Variants in CADPS2 observed in about 807,000 individuals in gnomAD.
CADPS2 encodes the protein calcium dependent secretion activator 2.
Under a neutral mutation model 172.5 loss-of-function variants are expected in CADPS2, and 93 were observed. The ratio of observed to expected loss-of-function variants is 0.54; its 90% CI spans 0.46 to 0.64. CADPS2 has a LOEUF of 0.64. Ranked by LOEUF, CADPS2 falls within the 30% of genes least tolerant of loss-of-function variation. The pLI is 0.00. For missense variants in CADPS2, 1,420 were observed against 1,565.9 expected (o/e 0.91, Z 1.57); for synonymous variants, 546 against 555.2 (o/e 0.98, Z 0.23).
chr7:122,848,961 A>G (rs551458820), intron 1 of CADPS2, among the ~76,000 whole-genome samples: 34 of 152,322 alleles, frequency 2.2e-4, no homozygotes, highest in African/African-American at 7.7e-4. Context: ...TTCTATTAAG[A>G]GTTTTCATGC....
At chr7:122,496,625 T>G (rs573573623) in intron 9 of CADPS2, among the ~76,000 whole-genome samples, 65 of 152,204 alleles carry the variant, frequency 4.3e-4, no homozygotes, top group Non-Finnish European at 6.2e-4. Context: ...GTTTTTTATG[T>G]TGGAGCTACT....
rs772783533 is a variant in CADPS2 at position 122,379,387 on chromosome 7, A to G, written c.3368T>C (p.Ile1123Thr). 8.1e-6 allele frequency: 13 copies of G among 1,598,420 alleles called. No individual in the cohort carries two copies. The highest frequency in any genetic ancestry group is 1.7e-4 in the Middle Eastern group (1 of 5,818). Residue 1123 changes from isoleucine to threonine, a missense_variant, in exon 25 of 30, where the codon ATT becomes ACT. By Grantham distance (89) the Ile-to-Thr change is moderately conservative. Transcript: ENST00000449022. ...DLIDNSVKEI[I>T]SLLVSKFVSV... ...CATTACCTTTGAAACTAACAGTGAA[A>G]TGATTTCTTTTACACTGTTGTCGAT...
intron 20 of CADPS2, among the ~76,000 whole-genome samples, chr7:122,399,559 C>G (rs1180685816): frequency 1.3e-5 from 2 of 150,804 alleles, no homozygotes; most frequent in Non-Finnish European, 2.9e-5. Context: ...CTATGCATAG[C>G]CTTCTAATCT....
chr7:122,659,359 A>G (rs920270896), intron 3 of CADPS2, among the ~76,000 whole-genome samples: 25 of 150,926 alleles, frequency 1.7e-4, no homozygotes, highest in African/African-American at 6.1e-4. Flanking sequence ...TGCCTTTGAT[A>G]GGCTCATTAG....
intron 5 of CADPS2, among the ~76,000 whole-genome samples, chr7:122,616,380 G>C (rs1340419224): frequency 2.0e-5 from 3 of 151,930 alleles, no homozygotes; most frequent in African/African-American, 7.2e-5. Context: ...TAAGAATTTT[G>C]ATCCAAAAGG....
intron 9 of CADPS2, among the ~76,000 whole-genome samples, chr7:122,510,447 G>A (rs2059928352): frequency 6.6e-6 from 1 of 152,114 alleles, no homozygotes; most frequent in South Asian, 2.1e-4. Context: ...GAGAGTCTTT[G>A]AAACGTCTTT....
At chr7:122,464,950 T>C (rs1013208102) in intron 14 of CADPS2, among the ~76,000 whole-genome samples, 3 of 152,166 alleles carry the variant, frequency 2.0e-5, no homozygotes, top group Non-Finnish European at 4.4e-5. Flanking sequence ...ACAATAACAT[T>C]AAGGGAAACG....
chr7:122,425,254 T>A (rs2049007580), intron 17 of CADPS2, among the ~76,000 whole-genome samples: 1 of 151,904 alleles, frequency 6.6e-6, no homozygotes, highest in Non-Finnish European at 1.5e-5. Flanking sequence ...GTGCTGGGAT[T>A]ACATTCGTGA....
intron 28 of CADPS2, among the ~76,000 whole-genome samples, chr7:122,335,112 T>C (rs1164782932): frequency 6.6e-6 from 1 of 152,248 alleles, no homozygotes; most frequent in Non-Finnish European, 1.5e-5. Flanking sequence ...CCCACCATTT[T>C]TTACACATAG....
At chr7:122,622,324 G>A (rs3808171) in intron 4 of CADPS2, among the ~76,000 whole-genome samples, 29,821 of 151,966 alleles carry the variant, frequency 0.2, 3,086 homozygotes, top group Admixed American at 0.29. Flanking sequence ...TTTACTAAAG[G>A]CTTAGAAAAA....
intron 25 of CADPS2, among the ~76,000 whole-genome samples, chr7:122,371,796 T>C (rs143455305): frequency 1.3e-3 from 201 of 152,220 alleles, no homozygotes; most frequent in African/African-American, 4.4e-3. Flanking sequence ...GCAGATTCTA[T>C]AAAGACAGGG....
intron 27 of CADPS2, among the ~76,000 whole-genome samples, chr7:122,351,945 G>A (rs536000313): frequency 6.6e-6 from 1 of 152,236 alleles, no homozygotes; most frequent in East Asian, 1.9e-4. Context: ...TCCTTTCAAA[G>A]AGAAGTTTCT....
intron 2 of CADPS2, among the ~76,000 whole-genome samples, chr7:122,731,507 C>A (rs2091638257): frequency 6.6e-6 from 1 of 151,646 alleles, no homozygotes; most frequent in Admixed American, 6.6e-5. Context: ...TTGCAATCAA[C>A]CTATGTTTAC....
At chr7:122,617,239 C>T (rs1261197157) in intron 5 of CADPS2, among the ~76,000 whole-genome samples, 1 of 152,122 alleles carries the variant, frequency 6.6e-6, no homozygotes, top group Non-Finnish European at 1.5e-5. Flanking sequence ...TTTTACCCTG[C>T]AGAATCGTCA....
chr7:122,627,369 T>C (rs2076180772), intron 4 of CADPS2, among the ~76,000 whole-genome samples: 1 of 152,256 alleles, frequency 6.6e-6, no homozygotes, highest in Admixed American at 6.5e-5. Flanking sequence ...CAATTAAACC[T>C]GCTCAATCTA....
intron 1 of CADPS2, among the ~76,000 whole-genome samples, chr7:122,847,221 G>A (rs537311584): frequency 1.3e-5 from 2 of 152,142 alleles, no homozygotes; most frequent in Non-Finnish European, 2.9e-5. Flanking sequence ...CAAGTAGCTG[G>A]GACTACAGGC....
At chr7:122,748,676 T>C (rs1028931807) in intron 1 of CADPS2, among the ~76,000 whole-genome samples, 3 of 152,118 alleles carry the variant, frequency 2.0e-5, no homozygotes, top group Admixed American at 6.6e-5. Flanking sequence ...GAAGTGGCTA[T>C]CTGCAAAAGA....
intron 8 of CADPS2, among the ~76,000 whole-genome samples, chr7:122,516,921 A>G (rs75231173): frequency 0.018 from 2,746 of 151,722 alleles, 74 homozygotes; most frequent in African/African-American, 0.063. Flanking sequence ...TATAGTTTAC[A>G]TAAAGTAAAA....
At chr7:122,730,285 T>C (rs542960482) in intron 2 of CADPS2, among the ~76,000 whole-genome samples, 23 of 151,906 alleles carry the variant, frequency 1.5e-4, no homozygotes, top group Admixed American at 8.6e-4. Context: ...ACCATTGGCA[T>C]TTATTTTATG....
Sources: allele counts gnomAD v4.1 joint callset (sites outside exome capture counted in the v4.1 genomes callset), GRCh38; gene constraint gnomAD v4.1.1; transcripts MANE v1.5; gene names NCBI Gene and HGNC (gene_info 2026-07-23, HGNC 2026-07-21).